The following PLAAT1 variants were observed in gnomAD, a reference collection of about 807,000 sequenced individuals.
PLAAT1 encodes the protein phospholipase A and acyltransferase 1, also known as H-REV107 protein-related protein.
In PLAAT1, 13 loss-of-function variants were observed where a neutral mutation model predicts 16.4. That is an observed-to-expected ratio of 0.79 (90% CI 0.52 to 1.26). The LOEUF is 1.26. PLAAT1 is among the 50% of genes most tolerant of loss of function. The pLI is 0.00. For missense variants in PLAAT1, 218 were observed against 207.8 expected, an observed-to-expected ratio of 1.05 and a Z score of -0.30; for synonymous variants, 73 against 78.4, an observed-to-expected ratio of 0.93 and a Z score of 0.36.
At chr3:193,280,698 T>C (rs1278494574), downstream of PLAAT1, among the ~76,000 whole-genome samples, 2 of 152,216 alleles carry the variant, frequency 1.3e-5, no homozygotes, top group Non-Finnish European at 2.9e-5. Flanking sequence ...AGCAGAGCAC[T>C]TTAGAGACGG....
chr3:193,273,742 T>C (rs1292997470), downstream of PLAAT1, among the ~76,000 whole-genome samples: 1 of 152,190 alleles, frequency 6.6e-6, no homozygotes, highest in East Asian at 1.9e-4. Context: ...TAAAAGGTAA[T>C]AGTGTACAGA....
In PLAAT1 at chr3:193,263,104, C is replaced by G; in HGVS notation, c.274C>G (p.Pro92Ala). 3 of 1,614,194 alleles carry G rather than the reference C, an allele frequency of 1.9e-6. No homozygotes were observed. Among genetic ancestry groups the G allele is most frequent in the Non-Finnish European group, 2.5e-6 (3 of 1,180,038 alleles). ...INNKYDETYP[P>A]LPVEEIIKRS... ...CAATAAATACGATGAAACGTACCCCCCTCTCCCTGTGGAAGAAATCATAAA... is the reference window on the plus strand; with the variant it reads ...CAATAAATACGATGAAACGTACCCCGCTCTCCCTGTGGAAGAAATCATAAA... The change falls in exon 3 of 4, where the codon CCT (proline) becomes GCT (alanine). Residue 92 changes from proline (P) to alanine (A), a missense_variant. Pro to Ala is a conservative substitution (Grantham distance 27). Transcript: ENST00000264735.
chr3:193,254,007 C>G (rs1402856459), intron 1 of PLAAT1, among the ~76,000 whole-genome samples: 1 of 152,118 alleles, frequency 6.6e-6, no homozygotes, highest in South Asian at 2.1e-4. Context: ...GATTCCTATT[C>G]ATGGGAAATG....
At chr3:193,241,684 A>G (rs909983398) in intron 1 of PLAAT1, among the ~76,000 whole-genome samples, 151 bp downstream of exon 1, 8 of 152,224 alleles carry the variant, frequency 5.3e-5, no homozygotes, top group Admixed American at 2.6e-4. Context: ...CTCAGTCCAC[A>G]GGGCAAGAGA....
At chr3:193,279,290 A>G, downstream of PLAAT1, 1 of 1,182,684 alleles carries the variant, frequency 8.5e-7, no homozygotes, top group Non-Finnish European at 1.3e-6. Flanking sequence ...TACAGTAATA[A>G]TTGACTTGTG....
chr3:193,254,062 C>A (rs1449442864), intron 1 of PLAAT1, among the ~76,000 whole-genome samples: 3 of 152,048 alleles, frequency 2.0e-5, no homozygotes, highest in Non-Finnish European at 4.4e-5. Flanking sequence ...CCTTTTAATA[C>A]CCATGTGGCC....
chr3:193,257,814 G>A (rs562063208), intron 2 of PLAAT1, among the ~76,000 whole-genome samples: 23 of 152,234 alleles, frequency 1.5e-4, no homozygotes, highest in South Asian at 1.2e-3. Flanking sequence ...GCAGAGGAAC[G>A]TGGAAAAATT....
chr3:193,272,473 C>A (rs562490364), downstream of PLAAT1, among the ~76,000 whole-genome samples: 20 of 147,430 alleles, frequency 1.4e-4, no homozygotes, highest in East Asian at 2.6e-3. Flanking sequence ...AACAAAAAAA[C>A]CCAGTTTTCT....
At chr3:193,246,899 G>A (rs1560097951) in intron 1 of PLAAT1, among the ~76,000 whole-genome samples, 1 of 152,132 alleles carries the variant, frequency 6.6e-6, no homozygotes, top group African/African-American at 2.4e-5. Flanking sequence ...GGTAGTCCCT[G>A]TTTTATAATT....
upstream of PLAAT1, chr3:193,241,022 C>T: frequency 5.1e-6 from 2 of 391,790 alleles, no homozygotes; most frequent in Non-Finnish European, 8.6e-6. Flanking sequence ...GGCGGAATAA[C>T]TGGTTGCGCG....
chr3:193,273,362 G>T (rs1019915760), downstream of PLAAT1, among the ~76,000 whole-genome samples: 1 of 152,180 alleles, frequency 6.6e-6, no homozygotes, highest in Non-Finnish European at 1.5e-5. Flanking sequence ...CCAGAGAGCT[G>T]TGAATACAAG....
downstream of PLAAT1, among the ~76,000 whole-genome samples, chr3:193,271,699 A>G (rs1016420071): frequency 1.2e-4 from 19 of 152,176 alleles, no homozygotes; most frequent in African/African-American, 4.6e-4. Flanking sequence ...GCTATCATCA[A>G]AAGCTTGGCA....
chr3:193,245,657 C>T (rs553389162), intron 1 of PLAAT1, among the ~76,000 whole-genome samples: 7 of 152,310 alleles, frequency 4.6e-5, no homozygotes, highest in Admixed American at 3.3e-4. Context: ...TTCCCACCAA[C>T]GATATACAAG....
rs946839546 is a variant in PLAAT1 at position 193,262,871 on chromosome 3, C to G, written c.140-99C>G. 56 of 1,197,460 alleles carry G rather than the reference C, an allele frequency of 4.7e-5. No homozygotes were observed. The African/African-American group carries it at 7.8e-4, about 17-fold the overall frequency. 74.2% of individuals were successfully genotyped at this position (1,197,460 alleles called of 1,614,324 possible). On this transcript the variant is annotated intron_variant, in intron 2 of 3. Coordinates refer to ENST00000264735, the MANE Select transcript of PLAAT1 (RefSeq NM_020386.5). ...GTTTGATAATAAGTTAGGAACAGGG[C>G]TAGGTTTAGACATGCCAGCATTTCC...
downstream of PLAAT1, chr3:193,279,524 A>C (rs1364234940): frequency 1.8e-5 from 22 of 1,246,286 alleles, no homozygotes; most frequent in Non-Finnish European, 2.6e-5. Flanking sequence ...CACATTGCAG[A>C]ATCAATTATC....
At chr3:193,264,546 C>T (rs1369222582) in intron 3 of PLAAT1, among the ~76,000 whole-genome samples, 1 of 151,694 alleles carries the variant, frequency 6.6e-6, no homozygotes, top group Non-Finnish European at 1.5e-5. Context: ...CTCTGTTGTC[C>T]AGGCTGGAGT....
At chr3:193,252,784 A>G (rs1716238069) in intron 1 of PLAAT1, among the ~76,000 whole-genome samples, 1 of 152,192 alleles carries the variant, frequency 6.6e-6, no homozygotes, top group South Asian at 2.1e-4. Context: ...TAATTGTTTC[A>G]GCACCAATTG....
chr3:193,269,202 T>C (rs1716887729), intron 3 of PLAAT1, among the ~76,000 whole-genome samples: 2 of 152,102 alleles, frequency 1.3e-5, no homozygotes, highest in South Asian at 4.2e-4. Context: ...TCTTAGGAAA[T>C]AGTTTAGGTA....
At chr3:193,270,095 C>CACACACACAG (rs1716934286) in intron 3 of PLAAT1, among the ~76,000 whole-genome samples, 1 of 151,996 alleles carries the variant, frequency 6.6e-6, no homozygotes, top group African/African-American at 2.4e-5. Flanking sequence ...CACACACACA[C>CACACACACAG]ACACACACAC....
Sources: allele counts gnomAD v4.1 joint callset (sites outside exome capture counted in the v4.1 genomes callset), GRCh38; gene constraint gnomAD v4.1.1; transcripts MANE v1.5; gene names NCBI Gene and HGNC (gene_info 2026-07-23, HGNC 2026-07-21).